Variants in ST8SIA6 observed in about 807,000 individuals in gnomAD.
ST8SIA6 encodes alpha-2,8-sialyltransferase 8F.
In ST8SIA6, 39 loss-of-function variants were observed where a neutral mutation model predicts 33.6. That is an observed-to-expected ratio of 1.16 (90% confidence interval 0.90 to 1.52). The LOEUF (loss-of-function observed/expected upper bound fraction) is 1.52. Ranked by LOEUF, ST8SIA6 falls within the 40% of genes most tolerant of loss-of-function variation. The pLI, the probability that ST8SIA6 is intolerant of heterozygous loss-of-function variation, is 0.00. For synonymous variants in ST8SIA6, 172 were observed against 167.2 expected (o/e 1.03, Z -0.22); for missense variants, 441 against 443.8 (o/e 0.99, Z 0.06).
intron 4 of ST8SIA6, among the ~76,000 whole-genome samples, chr10:17,342,656 G>A (rs1848715165): frequency 6.6e-6 from 1 of 152,066 alleles, no homozygotes; most frequent in African/African-American, 2.4e-5. Context: ...ATATTTAGTA[G>A]GTGGAAAGAA....
chr10:17,351,741 A>G (rs760344707), intron 4 of ST8SIA6, among the ~76,000 whole-genome samples: 3 of 152,072 alleles, frequency 2.0e-5, no homozygotes, highest in Non-Finnish European at 4.4e-5. Flanking sequence ...AAATTCTGTC[A>G]TTTGCAGACA....
chr10:17,365,338 A>G (rs1030191956), intron 3 of ST8SIA6, among the ~76,000 whole-genome samples: 2 of 152,236 alleles, frequency 1.3e-5, no homozygotes, highest in African/African-American at 2.4e-5. Flanking sequence ...CAAGCACTAT[A>G]ATTTATGGTT....
chr10:17,417,533 G>A (rs1851642323), intron 2 of ST8SIA6, among the ~76,000 whole-genome samples: 1 of 149,702 alleles, frequency 6.7e-6, no homozygotes, highest in South Asian at 2.1e-4. Flanking sequence ...CATTTATTTC[G>A]ACTTCTTTCC....
At chr10:17,352,400 C>G (rs1005905553) in intron 4 of ST8SIA6, among the ~76,000 whole-genome samples, 2 of 151,986 alleles carry the variant, frequency 1.3e-5, no homozygotes, top group African/African-American at 4.8e-5. Flanking sequence ...GATAGGAAGT[C>G]AATTGAAATA....
intron 4 of ST8SIA6, 98 bp downstream of exon 4, chr10:17,359,416 G>T (rs1023943738): frequency 2.3e-6 from 2 of 876,608 alleles, no homozygotes; most frequent in South Asian, 1.8e-5. Flanking sequence ...AGCTGGGGTT[G>T]GTTCTACTTC....
intron 4 of ST8SIA6, among the ~76,000 whole-genome samples, chr10:17,355,899 C>T (rs1251670009): frequency 6.6e-6 from 1 of 152,156 alleles, no homozygotes; most frequent in Non-Finnish European, 1.5e-5. Context: ...GCCTTTCTTC[C>T]TGGCCTCATC....
chr10:17,319,065 C>A lies in ST8SIA6; in HGVS notation c.*1813G>T, dbSNP rs1847858858. Among the ~76,000 whole-genome samples the A allele has an allele frequency of 6.6e-6, 1 of 152,144 alleles. No homozygotes were observed. Among genetic ancestry groups the A allele is most frequent in the South Asian group, 2.1e-4 (1 of 4,822 alleles). On this transcript the variant is annotated 3_prime_UTR_variant, in exon 8 of 8. Coordinates refer to ENST00000377602, the MANE Select transcript of ST8SIA6 (RefSeq NM_001004470.3). ...TCAAACAATGGCCAACAACCCCAAT[C>A]TGCTGTGAAATCACAACTATAGACC...
intron 3 of ST8SIA6, among the ~76,000 whole-genome samples, chr10:17,370,021 T>C (rs1849681959): frequency 6.6e-6 from 1 of 151,442 alleles, no homozygotes; most frequent in Non-Finnish European, 1.5e-5. Flanking sequence ...AGACGGAGTC[T>C]AGCTCTGTCG....
At chr10:17,404,608 C>T (rs962814855) in intron 2 of ST8SIA6, among the ~76,000 whole-genome samples, 1 of 152,204 alleles carries the variant, frequency 6.6e-6, no homozygotes, top group Non-Finnish European at 1.5e-5. Context: ...TCATCCCTCA[C>T]CATGCCCTAG....
At position 17,401,889 on chromosome 10, in the gene ST8SIA6, A is replaced by G. The variant is rs1851055214; in HGVS notation, c.201-11269T>C. Among the ~76,000 whole-genome samples the G allele has an allele frequency of 2.0e-5, 3 of 147,590 alleles. No homozygotes were observed. In the South Asian group the frequency reaches 6.7e-4, roughly 33 times the overall value. On this transcript the variant is annotated intron_variant, in intron 2 of 7. Transcript: ENST00000377602. The stretch of plus-strand genomic sequence containing the variant: ...AGGCATGGGCAGGGACTTCATGTCT[A>G]AAACACCAAAAGCAATGGCAACAAA...
At chr10:17,372,007 G>A (rs1849752151) in intron 3 of ST8SIA6, among the ~76,000 whole-genome samples, 1 of 152,006 alleles carries the variant, frequency 6.6e-6, no homozygotes, top group South Asian at 2.1e-4. Flanking sequence ...CACTCTCCAG[G>A]TCGAAAATAA....
chr10:17,405,288 C>T (rs1292943332), intron 2 of ST8SIA6, among the ~76,000 whole-genome samples: 2 of 151,956 alleles, frequency 1.3e-5, no homozygotes, highest in East Asian at 1.9e-4. Flanking sequence ...GGAGGATTGC[C>T]TGAGCCCAGG....
At chr10:17,414,295 C>T (rs1323923334) in intron 2 of ST8SIA6, among the ~76,000 whole-genome samples, 1 of 152,194 alleles carries the variant, frequency 6.6e-6, no homozygotes, top group Non-Finnish European at 1.5e-5. Context: ...ACTATGTTTT[C>T]CTAATAAATT....
At chr10:17,369,208 CA>C (rs199540611) in intron 3 of ST8SIA6, among the ~76,000 whole-genome samples, 5 of 151,306 alleles carry the variant, frequency 3.3e-5, no homozygotes, top group East Asian at 1.9e-4. Flanking sequence ...TTAATCACCT[CA>C]AAAAAAAATC....
Position 17,359,532 on chromosome 10 carries a change from T to A in ST8SIA6, c.359A>T (p.Glu120Val). The A allele has an allele frequency of 1.2e-6, 2 of 1,606,142 alleles. No individual in the cohort carries two copies. Among genetic ancestry groups the A allele is most frequent in the Non-Finnish European group, 1.7e-6 (2 of 1,176,836 alleles). The stretch of plus-strand genomic sequence containing the variant: ...AAATTACCTAAAATTTGCATATTCT[T>A]CTGCTTGCCGTTTCCATGGACAACT... Reference protein sequence around the residue: ...IQSCPWKRQAEEYANFRAKLA... With the variant: ...IQSCPWKRQAVEYANFRAKLA... Residue 120 changes from glutamate to valine, a missense_variant, in exon 4 of 8, where the codon GAA becomes GTA. Coordinates refer to ENST00000377602, the MANE Select transcript of ST8SIA6 (RefSeq NM_001004470.3).
At chr10:17,335,782 AT>A (rs1306390081) in intron 4 of ST8SIA6, among the ~76,000 whole-genome samples, 1 of 152,168 alleles carries the variant, frequency 6.6e-6, no homozygotes, top group Non-Finnish European at 1.5e-5. Context: ...TGCGTATATA[AT>A]TTTTAGTGGC....
chr10:17,325,139 T>C (rs1042494804), intron 6 of ST8SIA6, among the ~76,000 whole-genome samples: 35 of 141,434 alleles, frequency 2.5e-4, no homozygotes, highest in Admixed American at 7.3e-4. Context: ...TATAGATTTA[T>C]AAAATGTATG....
intron 2 of ST8SIA6, chr10:17,410,339 G>T (rs1295513733): frequency 6.6e-6 from 1 of 152,164 alleles, no homozygotes; most frequent in South Asian, 2.1e-4. Context: ...TGAGGCAAAG[G>T]CCTTGTCAAA....
intron 4 of ST8SIA6, among the ~76,000 whole-genome samples, chr10:17,357,025 A>G (rs1849216434): frequency 6.6e-6 from 1 of 152,218 alleles, no homozygotes; most frequent in Non-Finnish European, 1.5e-5. Flanking sequence ...CCTTCCCCCA[A>G]GGGAATCCCC....
Sources: allele counts gnomAD v4.1 joint callset (sites outside exome capture counted in the v4.1 genomes callset), GRCh38; gene constraint gnomAD v4.1.1; transcripts MANE v1.5; gene names NCBI Gene and HGNC (gene_info 2026-07-23, HGNC 2026-07-21).